ADCY4: variants seen among roughly 807,000 people sequenced by gnomAD.
ADCY4 encodes adenylate cyclase 4.
A neutral mutation model predicts 125.5 loss-of-function variants in ADCY4; 111 were observed. The observed-to-expected ratio is 0.88, with a 90% CI of 0.76 to 1.04. The LOEUF is 1.04. Among genes scored for constraint, ADCY4 ranks in the 50% least tolerant of loss-of-function variants. The probability of loss-of-function intolerance (pLI) is 0.00; values close to 1 mark genes in which losing one functional copy is unlikely to be tolerated. For synonymous variants in ADCY4, 576 were observed against 586.9 expected, an observed-to-expected ratio of 0.98 and a Z score of 0.27; for missense variants, 1,256 against 1,382.9, an observed-to-expected ratio of 0.91 and a Z score of 1.46.
chr14:24,331,829 G>A lies in ADCY4; in HGVS notation c.628C>T (p.Leu210=). The stretch of plus-strand genomic sequence containing the variant: ...GTGTCCAGCCGCCGGCGTGAGTGCA[G>A]GGAGCTGAGTGCCTCCCGGAACGTG... ...RATFREALSS[L]HSRRRLDTEK... The change falls in exon 4 of 25, where the codon CTG becomes TTG. Residue 210 remains leucine, a synonymous_variant. Transcript: ENST00000418030. 6.2e-7 allele frequency: 1 copy of A among 1,603,300 alleles called. No homozygotes were observed. Among genetic ancestry groups the A allele is most frequent in the Non-Finnish European group, 8.5e-7 (1 of 1,172,058 alleles).
intron 14 of ADCY4, 135 bp from the exon 15 acceptor site, chr14:24,324,526 G>A: frequency 1.0e-6 from 1 of 970,432 alleles, no homozygotes; most frequent in Non-Finnish European, 1.6e-6. Flanking sequence ...TGGGGTCCCG[G>A]CTGATAGAAG....
At chr14:24,322,027 T>C in intron 20 of ADCY4, 39 bp downstream of exon 20, 1 of 1,583,388 alleles carries the variant, frequency 6.3e-7, no homozygotes, top group Non-Finnish European at 8.6e-7. Flanking sequence ...TTAGGCCCTA[T>C]GGCATCCGTG....
In ADCY4 at chr14:24,325,385, C is replaced by T; in HGVS notation, c.1815G>A (p.Val605=). 6.2e-7 allele frequency: 1 copy of T among 1,613,362 alleles called. No homozygotes were observed. The highest frequency in any genetic ancestry group is 1.1e-5 in the South Asian group (1 of 91,046). ...GCCTGGGGCACTCTCACCTGTTTGTCACTAGCATCTGGATGATGAAGTTGG... is the reference window on the plus strand; with the variant it reads ...GCCTGGGGCACTCTCACCTGTTTGTTACTAGCATCTGGATGATGAAGTTGG... ...FLSNFIIQML[V]TNRPPALAIT... is the part of the protein sequence containing the mutation. The change falls in exon 14 of 25, where the codon GTG becomes GTA. Residue 605 remains valine, a synonymous_variant. Coordinates refer to ENST00000418030, the MANE Select transcript of ADCY4 (RefSeq NM_001198568.2).
In ADCY4 at chr14:24,328,237, G is replaced by GC. The variant is rs1196304492; in HGVS notation, c.1524+823_1524+824insG. Reference sequence around the variant, plus strand: ...GCAGACCGGGAAAGCGGGGTGGGGGGGGGGGTCTCCCTTTCCCTGGGGGAG... The same window carrying GC: ...GCAGACCGGGAAAGCGGGGTGGGGGGCGGGGGTCTCCCTTTCCCTGGGGGAG... On this transcript the variant is annotated intron_variant, in intron 10 of 24. Coordinates refer to ENST00000418030, the MANE Select transcript of ADCY4 (RefSeq NM_001198568.2). Among the ~76,000 whole-genome samples, 11 of 142,806 alleles carry GC rather than the reference G, an allele frequency of 7.7e-5. No individual in the cohort carries two copies. The South Asian group carries it at 2.7e-3, about 36-fold the overall frequency. The allele number at this position is 142,806 out of a possible 152,430, so 93.7% of individuals were successfully genotyped here.
At chr14:24,332,001 T>G in intron 3 of ADCY4, 64 bp from the exon 4 acceptor site, 1 of 1,446,746 alleles carries the variant, frequency 6.9e-7, no homozygotes, top group South Asian at 1.4e-5. Flanking sequence ...TAGTTGGAGT[T>G]GGTCTCAAAG....
chr14:24,323,867 G>A (rs948607750), intron 16 of ADCY4, among the ~76,000 whole-genome samples, 195 bp downstream of exon 16: 1 of 152,210 alleles, frequency 6.6e-6, no homozygotes, highest in African/African-American at 2.4e-5. Context: ...GACATTCACC[G>A]AAGTGTTATC....
In ADCY4 at chr14:24,334,618, C is replaced by A. The variant is rs868235709; in HGVS notation, c.35G>T (p.Ser12Ile). The A allele has an allele frequency of 6.4e-6, 10 of 1,559,134 alleles. No homozygotes were observed. Among genetic ancestry groups the A allele is most frequent in the Non-Finnish European group, 8.7e-6 (10 of 1,154,462 alleles). ...ARLFSPRPPPSEDLFYETYYS... is the reference protein window; with the variant it reads ...ARLFSPRPPPIEDLFYETYYS... ...GTAGGTCTCGTAGAAGAGGTCTTCG[C>A]TGGGGGGCGGCCGGGGGCTGAAGAG... is the stretch of plus-strand genomic sequence containing the variant. Residue 12 changes from serine (S) to isoleucine (I), a missense_variant, in exon 1 of 25, where the codon AGC (serine) becomes ATC (isoleucine). Ser to Ile is a moderately radical substitution (Grantham distance 142). Coordinates refer to ENST00000418030, the MANE Select transcript of ADCY4 (RefSeq NM_001198568.2).
intron 3 of ADCY4, 62 bp from the exon 4 acceptor site, chr14:24,331,999 G>A: frequency 6.9e-7 from 1 of 1,450,204 alleles, no homozygotes; most frequent in Non-Finnish European, 9.2e-7. Context: ...TGTAGTTGGA[G>A]TTGGTCTCAA....
At position 24,326,966 on chromosome 14, in the gene ADCY4, AGCTCACTGCAACCTCC is replaced by A. The variant is rs368224937; in HGVS notation, c.1525-640_1525-625del. Among the ~76,000 whole-genome samples the A allele has an allele frequency of 4.1e-3, 553 of 135,666 alleles. 5 individuals are homozygous for A. Among genetic ancestry groups the A allele is most frequent in the African/African-American group, 0.015 (524 of 34,966 alleles). The allele number at this position is 135,666 out of a possible 152,430, so 89.0% of individuals were successfully genotyped here. ...GGCTGGAGTGCATTGGTGCAATCTC[AGCTCACTGCAACCTCC>A]GCCTTCCAGGTTCAAGCAATTCTCT... On this transcript the variant is annotated intron_variant, in intron 10 of 24. Transcript: ENST00000418030.
Position 24,325,876 on chromosome 14 carries a change from T to G in ADCY4, c.1667A>C (p.Gln556Pro). 6.3e-7 allele frequency: 1 copy of G among 1,593,144 alleles called. No individual in the cohort carries two copies. Among genetic ancestry groups the G allele is most frequent in the Non-Finnish European group, 8.6e-7 (1 of 1,167,444 alleles). The change falls in exon 13 of 25, where the codon CAG becomes CCG. Residue 556 changes from glutamine (Q) to proline (P), a missense_variant. Coordinates refer to ENST00000418030, the MANE Select transcript of ADCY4 (RefSeq NM_001198568.2). ...EQLNSQKQWK[Q>P]SKDFNPLTLY... ...TGTCAGTGGGTTGAAGTCCTTCGAC[T>G]GCTTCCACTGTCTGGTGGGAGGTGG...
chr14:24,323,681 G>A (rs949163950), intron 16 of ADCY4: 2 of 1,387,936 alleles, frequency 1.4e-6, no homozygotes, highest in South Asian at 3.2e-5. Flanking sequence ...CACTGTGTGA[G>A]CTCTTGCCAG....
chr14:24,329,371 C>T, intron 9 of ADCY4, 30 bp downstream of exon 9: 3 of 1,545,206 alleles, frequency 1.9e-6, no homozygotes, highest in Non-Finnish European at 2.6e-6. Context: ...TTGTGTAGGC[C>T]AGCCCATGGG....
chr14:24,322,712 A>C lies in ADCY4; in HGVS notation c.2343-4T>G. 6.2e-7 allele frequency: 1 copy of C among 1,613,814 alleles called. No individual in the cohort carries two copies. ...GGGCTCCTTCAGCACTCCGGGCCTG[A>C]AGGGGCCATGGATCAGGGTGACCCC... On this transcript the variant is annotated splice_region_variant and splice_polypyrimidine_tract_variant and intron_variant, in intron 18 of 24. Coordinates refer to ENST00000418030, the MANE Select transcript of ADCY4 (RefSeq NM_001198568.2).
Position 24,325,430 on chromosome 14 carries a change from G to T in ADCY4, c.1770C>A (p.Cys590Ter), listed in dbSNP as rs2041926464. The T allele has an allele frequency of 3.1e-6, 5 of 1,613,776 alleles. No homozygotes were observed. Among genetic ancestry groups the T allele is most frequent in the Non-Finnish European group, 4.2e-6 (5 of 1,179,972 alleles). The change falls in exon 14 of 25, where the codon TGC becomes TGA. Residue 590 changes from cysteine to a stop codon, truncating the protein, a stop_gained. Transcript: ENST00000418030. LOFTEE classifies it high-confidence loss of function. The part of the protein sequence containing the change: ...AIPAFKYYEA[C>*]TFLVFLSNFI... ...AGTTGGAGAGAAAAACCAGGAAGGT[G>T]CAGGCTTCATAGTATTTGAAGGCGG...
chr14:24,334,514 C>T lies in ADCY4; in HGVS notation c.139G>A (p.Val47Met). 1 of 1,582,008 alleles carries T rather than the reference C, an allele frequency of 6.3e-7. No homozygotes were observed. Among genetic ancestry groups the T allele is most frequent in the Non-Finnish European group, 8.5e-7 (1 of 1,169,960 alleles). ...CTCACCCTGCCGCTGGCCCAGGCCA[C>T]TGCGAGCAGCGCCGCGAGCGCACAG... ...VLCALAALLA[V>M]AWASGRELTS... The change falls in exon 1 of 25, where the codon GTG becomes ATG. Residue 47 changes from valine to methionine, a missense_variant. Physicochemically the swap from Val to Met is conservative, Grantham distance 21 (BLOSUM62 1). Transcript: ENST00000418030.
Position 24,334,623 on chromosome 14 carries a change from G to C in ADCY4, c.30C>G (p.Pro10=). ...TCTCGTAGAAGAGGTCTTCGCTGGG[G>C]GGCGGCCGGGGGCTGAAGAGGCGGG... MARLFSPRP[P]PSEDLFYETY... is the part of the protein sequence containing the mutation. The change falls in exon 1 of 25, where the codon CCC becomes CCG. Residue 10 remains proline, a synonymous_variant. Coordinates refer to ENST00000418030, the MANE Select transcript of ADCY4 (RefSeq NM_001198568.2). 1.9e-6 allele frequency: 3 copies of C among 1,555,632 alleles called. No homozygotes were observed. Among genetic ancestry groups the C allele is most frequent in the Non-Finnish European group, 2.6e-6 (3 of 1,152,576 alleles).
Position 24,330,211 on chromosome 14 carries a change from T to C in ADCY4, c.1015A>G (p.Ile339Val). The C allele has an allele frequency of 6.2e-7, 1 of 1,614,162 alleles. No homozygotes were observed. Among genetic ancestry groups the C allele is most frequent in the East Asian group, 2.2e-5 (1 of 44,884 alleles). ...TCCAGGCCCATGCGCACGCAGTTGATGGCATGGTCTGGCAGTGAGAGTGGC... is the reference window on the plus strand; with the variant it reads ...TCCAGGCCCATGCGCACGCAGTTGACGGCATGGTCTGGCAGTGAGAGTGGC... ...GLPLSLPDHA[I>V]NCVRMGLDMC... Residue 339 changes from isoleucine (I) to valine (V), a missense_variant, in exon 7 of 25, where the codon ATC (isoleucine) becomes GTC (valine). Coordinates refer to ENST00000418030, the MANE Select transcript of ADCY4 (RefSeq NM_001198568.2).
chr14:24,332,757 C>A (rs1157276599), intron 2 of ADCY4, 34 bp downstream of exon 2: 2 of 1,530,870 alleles, frequency 1.3e-6, no homozygotes, highest in Non-Finnish European at 1.8e-6. Flanking sequence ...GAAGCCCGGG[C>A]CGTCCCCGCT....
chr14:24,325,934 C>T (rs1467902620), intron 12 of ADCY4, 47 bp from the exon 13 acceptor site: 7 of 1,577,388 alleles, frequency 4.4e-6, no homozygotes, highest in Admixed American at 3.7e-5. Flanking sequence ...GAACAGAGGG[C>T]ACAGAAGGGC....
Sources: allele counts gnomAD v4.1 joint callset (sites outside exome capture counted in the v4.1 genomes callset), GRCh38; gene constraint gnomAD v4.1.1; transcripts MANE v1.5; gene names NCBI Gene and HGNC (gene_info 2026-07-23, HGNC 2026-07-21).